The following SNX2 variants were observed in gnomAD, a reference collection of about 807,000 sequenced individuals.
The protein encoded by SNX2 is sorting nexin 2, also known as sorting nexin-2.
SNX2 carries 25 observed loss-of-function variants against 69.9 expected under a neutral mutation model. That is an observed-to-expected ratio of 0.36 (90% CI 0.26 to 0.50). The LOEUF is 0.50. Ranked by LOEUF, SNX2 falls within the 20% of genes least tolerant of loss-of-function variation. The pLI is 0.97. For missense variants in SNX2, 551 were observed against 613.3 expected, an observed-to-expected ratio of 0.90 and a Z score of 1.07; for synonymous variants, 229 against 200.4, an observed-to-expected ratio of 1.14 and a Z score of -1.20.
chr5:122,791,224 A>G (rs1187317903), intron 1 of SNX2, among the ~76,000 whole-genome samples: 1 of 151,568 alleles, frequency 6.6e-6, no homozygotes, highest in African/African-American at 2.4e-5. Flanking sequence ...CCCAGGTTCA[A>G]GCAATTCTCT....
At chr5:122,791,416 G>A (rs1160086958) in intron 1 of SNX2, among the ~76,000 whole-genome samples, 1 of 152,166 alleles carries the variant, frequency 6.6e-6, no homozygotes, top group Non-Finnish European at 1.5e-5. Flanking sequence ...TGGGTAGCTG[G>A]GATTACAGGC....
At chr5:122,783,565 T>C (rs1174612205) in intron 1 of SNX2, among the ~76,000 whole-genome samples, 1 of 152,182 alleles carries the variant, frequency 6.6e-6, no homozygotes, top group Non-Finnish European at 1.5e-5. Context: ...CTTTCTTTAT[T>C]GGGCTGTCTT....
chr5:122,781,339 A>G (rs1156544410), intron 1 of SNX2, among the ~76,000 whole-genome samples: 1 of 152,230 alleles, frequency 6.6e-6, no homozygotes, highest in Non-Finnish European at 1.5e-5. Context: ...TGTTCTATGT[A>G]TCAATTGTTA....
chr5:122,791,119 ATTTTTTTTTTT>A (rs71623268), intron 1 of SNX2, among the ~76,000 whole-genome samples: 2 of 131,686 alleles, frequency 1.5e-5, no homozygotes, highest in Middle Eastern at 4.0e-3. Context: ...GGCTATTTCA[ATTTTTTTTTTT>A]TTTTTTTTTT....
chr5:122,775,121 A>C lies in SNX2; in HGVS notation c.18A>C (p.Glu6Asp), dbSNP rs766697437. 3.0e-5 allele frequency: 47 copies of C among 1,591,338 alleles called. No individual in the cohort carries two copies. The highest frequency in any genetic ancestry group is 7.3e-5 in the Admixed American group (4 of 55,144). Residue 6 changes from glutamate to aspartate, a missense_variant, in exon 1 of 15, where the codon GAA (glutamate) becomes GAC (aspartate). By Grantham distance (45) the Glu-to-Asp change is conservative. This residue lies in a region of SNX2 where 191 missense variants were observed against 162.9 expected (regional missense o/e 1.17). Coordinates refer to ENST00000379516, the MANE Select transcript of SNX2 (RefSeq NM_003100.4). The stretch of plus-strand genomic sequence containing the variant: ...GAGCGAAGATGGCGGCCGAGAGGGA[A>C]CCTCCTCCGCTGGGGGACGGGAAGC... MAAER[E>D]PPPLGDGKPT...
At position 122,826,210 on chromosome 5, in the gene SNX2, T is replaced by G. The variant is rs1754146785; in HGVS notation, c.1356+17T>G. 1.3e-6 allele frequency: 2 copies of G among 1,595,560 alleles called. No individual in the cohort carries two copies. The highest frequency in any genetic ancestry group is 3.4e-5 in the Admixed American group (2 of 58,794). ...ATAAGAGAGGTGATTACTAAATGCT[T>G]TAATCTCTTTACTTAAGTTTTGCAT... On this transcript the variant is annotated intron_variant, in intron 12 of 14. Coordinates refer to ENST00000379516, the MANE Select transcript of SNX2 (RefSeq NM_003100.4).
rs148492598 is a variant in SNX2 at position 122,797,466 on chromosome 5, C to G, written c.226+2083C>G. ...ATCATTAAGTGACTGAAGACCTAATCTGATCATTTTTGTATGAATGAATGA... is the reference window on the plus strand; with the variant it reads ...ATCATTAAGTGACTGAAGACCTAATGTGATCATTTTTGTATGAATGAATGA... On this transcript the variant is annotated intron_variant, in intron 2 of 14. Transcript: ENST00000379516. Among the ~76,000 whole-genome samples the G allele has an allele frequency of 1.9e-4, 27 of 144,390 alleles. No individual in the cohort carries two copies. In the East Asian group the frequency reaches 6.7e-3, roughly 36 times the overall value. 94.7% of individuals were successfully genotyped at this position (144,390 alleles called of 152,430 possible). A position where few individuals can be genotyped will look rare whatever the true frequency, so the allele number is the denominator to read the frequency against.
At chr5:122,814,752 T>TTTTTTTTGGTTTTTTTTG (rs138752609) in intron 7 of SNX2, among the ~76,000 whole-genome samples, 2 of 129,146 alleles carry the variant, frequency 1.5e-5, no homozygotes, top group Non-Finnish European at 3.3e-5. Flanking sequence ...AGATAGCAGG[T>TTTTTTTTGGTTTTTTTTG]TTTTTTTTGT....
chr5:122,794,354 T>G (rs543807652), intron 1 of SNX2, among the ~76,000 whole-genome samples: 4 of 152,236 alleles, frequency 2.6e-5, no homozygotes, highest in African/African-American at 9.6e-5. Context: ...GTCATTAGCT[T>G]AGATGAAATA....
chr5:122,777,682 G>A lies in SNX2; in HGVS notation c.108+2471G>A, dbSNP rs908202340. Among the ~76,000 whole-genome samples, 4 of 152,278 alleles carry A rather than the reference G, an allele frequency of 2.6e-5. No homozygotes were observed. In the East Asian group the frequency reaches 5.8e-4, roughly 22 times the overall value. ...TGCATTACTATATCTGTACACTTAT[G>A]TGTATATTTTTACTTTTATTATTTT... On this transcript the variant is annotated intron_variant, in intron 1 of 14. Transcript: ENST00000379516.
rs2150020989 is a variant in SNX2 at position 122,832,954 on chromosome 5, G to A, written c.*3306G>A. ...AGGGAGGTTGCTGGTAGTTAGGTGGGAAAATAACACCTGTGAAAAGGAAGT... is the reference window on the plus strand; with the variant it reads ...AGGGAGGTTGCTGGTAGTTAGGTGGAAAAATAACACCTGTGAAAAGGAAGT... On this transcript the variant is annotated 3_prime_UTR_variant, in exon 15 of 15. Coordinates refer to ENST00000379516, the MANE Select transcript of SNX2 (RefSeq NM_003100.4). 6.6e-6 allele frequency: 1 copy of A among 152,284 alleles called. No individual in the cohort carries two copies. The highest frequency in any genetic ancestry group is 2.1e-4 in the South Asian group (1 of 4,824). The allele number at this position is 152,284 out of a possible 1,614,324, so 9.4% of individuals were successfully genotyped here.
chr5:122,780,482 T>C (rs1752952699), intron 1 of SNX2, among the ~76,000 whole-genome samples: 1 of 152,092 alleles, frequency 6.6e-6, no homozygotes, highest in African/African-American at 2.4e-5. Flanking sequence ...GAGACACTTT[T>C]GATAAAGAGG....
chr5:122,793,497 T>C (rs1753291841), intron 1 of SNX2, among the ~76,000 whole-genome samples: 1 of 152,238 alleles, frequency 6.6e-6, no homozygotes, highest in Non-Finnish European at 1.5e-5. Context: ...TTGATGGTAA[T>C]GGTCTTTCAT....
chr5:122,824,582 G>A (rs1754112149), intron 11 of SNX2, among the ~76,000 whole-genome samples: 1 of 152,158 alleles, frequency 6.6e-6, no homozygotes. Context: ...TTGACTGCCA[G>A]TTTGCCCTGG....
At chr5:122,782,593 T>TGGTG (rs1275532975) in intron 1 of SNX2, among the ~76,000 whole-genome samples, 15 of 149,164 alleles carry the variant, frequency 1.0e-4, no homozygotes, top group South Asian at 2.1e-4. Flanking sequence ...TAGAGAGCAG[T>TGGTG]TGGCACAATC....
At position 122,803,583 on chromosome 5, in the gene SNX2, G is replaced by C. The variant is rs1264628787; in HGVS notation, c.613G>C (p.Val205Leu). The C allele has an allele frequency of 6.2e-7, 1 of 1,610,140 alleles. No individual in the cohort carries two copies. The highest frequency in any genetic ancestry group is 1.1e-5 in the South Asian group (1 of 89,746). ...ASKYLHVGYI[V>L]PPAPEKSIVG... Reference sequence around the variant, plus strand: ...CAAATATTTACATGTTGGTTATATTGTGCCACCAGCTCCAGAAAAGAGTAT... The same window carrying C: ...CAAATATTTACATGTTGGTTATATTCTGCCACCAGCTCCAGAAAAGAGTAT... Residue 205 changes from valine (V) to leucine (L), a missense_variant, in exon 6 of 15, where the codon GTG becomes CTG. Coordinates refer to ENST00000379516, the MANE Select transcript of SNX2 (RefSeq NM_003100.4).
At chr5:122,814,135 G>C (rs908157324) in intron 7 of SNX2, among the ~76,000 whole-genome samples, 3 of 152,272 alleles carry the variant, frequency 2.0e-5, no homozygotes, top group African/African-American at 7.2e-5. Flanking sequence ...ACAAGTATCT[G>C]AGTGCCTGCT....
chr5:122,806,142 G>GCACGCGCGCACACACACACA (rs1554063175), intron 6 of SNX2, among the ~76,000 whole-genome samples: 6 of 130,654 alleles, frequency 4.6e-5, no homozygotes, highest in African/African-American at 1.7e-4. Flanking sequence ...ACACGCGCGC[G>GCACGCGCGCACACACACACA]CACACACACA....
chr5:122,815,889 A>C lies in SNX2; in HGVS notation c.723-7A>C. 6.5e-7 allele frequency: 1 copy of C among 1,540,636 alleles called. No individual in the cohort carries two copies. Among genetic ancestry groups the C allele is most frequent in the African/African-American group, 1.4e-5 (1 of 72,892 alleles). ...TGATAAAGGAGCAATTTTACTCTTA[A>C]ATCTAGGTATCTTCAAAGAACAGTA... On this transcript the variant is annotated splice_region_variant and splice_polypyrimidine_tract_variant and intron_variant, in intron 7 of 14. Transcript: ENST00000379516.
Sources: allele counts gnomAD v4.1 joint callset (sites outside exome capture counted in the v4.1 genomes callset), GRCh38; gene constraint gnomAD v4.1.1; regional missense constraint gnomAD v4.1.1; transcripts MANE v1.5; gene names NCBI Gene and HGNC (gene_info 2026-07-23, HGNC 2026-07-21).